The following SCFD2 variants were observed in gnomAD, a reference collection of about 807,000 sequenced individuals.
SCFD2 encodes the protein sec1 family domain containing 2.
In SCFD2, 54 loss-of-function variants were observed where a neutral mutation model predicts 58.9. The ratio of observed to expected loss-of-function variants is 0.92; its 90% CI spans 0.74 to 1.15. SCFD2 has a LOEUF of 1.15. Among genes scored for constraint, SCFD2 ranks in the 50% most tolerant of loss-of-function variants. The pLI is 0.00. For synonymous variants in SCFD2, 321 were observed against 335.9 expected (o/e 0.96, Z 0.49); for missense variants, 805 against 836.6 (o/e 0.96, Z 0.47).
intron 5 of SCFD2, among the ~76,000 whole-genome samples, chr4:53,018,436 T>C (rs1281668864): frequency 1.3e-5 from 2 of 152,178 alleles, no homozygotes; most frequent in East Asian, 1.9e-4. Flanking sequence ...AAAAATGCAA[T>C]GTTCCTGACA....
chr4:53,235,922 G>A (rs1187539104), intron 4 of SCFD2, among the ~76,000 whole-genome samples: 1 of 152,190 alleles, frequency 6.6e-6, no homozygotes, highest in Non-Finnish European at 1.5e-5. Flanking sequence ...AAAGCCTGGG[G>A]CAATCTATGG....
intron 5 of SCFD2, among the ~76,000 whole-genome samples, chr4:52,930,430 C>T (rs952379238): frequency 4.6e-5 from 7 of 152,064 alleles, no homozygotes; most frequent in African/African-American, 1.7e-4. Context: ...TAGGCAATAC[C>T]ATTCAGGACA....
chr4:53,218,780 C>T (rs948550537), intron 4 of SCFD2, among the ~76,000 whole-genome samples: 10 of 152,136 alleles, frequency 6.6e-5, no homozygotes, highest in Admixed American at 6.5e-4. Context: ...GTTTTATCTA[C>T]CTTTGCTCTT....
chr4:53,313,686 T>TA lies in SCFD2; in HGVS notation c.1084_1085insT (p.His362LeufsTer71). The TA allele has an allele frequency of 6.2e-7, 1 of 1,614,094 alleles. No individual in the cohort carries two copies. The highest frequency in any genetic ancestry group is 1.3e-5 in the African/African-American group (1 of 75,048). On this transcript the variant is annotated frameshift_variant, in exon 3 of 9. Transcript: ENST00000401642. LOFTEE classifies it high-confidence loss of function. The stretch of plus-strand genomic sequence containing the variant: ...TTCTCTGCTTGCCGCTTCCACTAGA[T>TA]GTCTCCGAACTTCCATCACTGCCTC...
At chr4:53,201,782 T>C (rs1241367995) in intron 4 of SCFD2, among the ~76,000 whole-genome samples, 4 of 152,356 alleles carry the variant, frequency 2.6e-5, no homozygotes, top group East Asian at 3.9e-4. Flanking sequence ...CCAGTGATGA[T>C]GAGCATTTTT....
intron 7 of SCFD2, among the ~76,000 whole-genome samples, chr4:52,897,946 G>A (rs914567819): frequency 6.6e-6 from 1 of 152,176 alleles, no homozygotes; most frequent in Non-Finnish European, 1.5e-5. Flanking sequence ...TTTGCGCAGA[G>A]GTGTTTATAG....
chr4:53,362,855 G>A (rs1050024285), intron 1 of SCFD2, among the ~76,000 whole-genome samples: 5 of 152,136 alleles, frequency 3.3e-5, no homozygotes, highest in Non-Finnish European at 5.9e-5. Flanking sequence ...AGTCTACATA[G>A]GTGAAAAAGT....
At chr4:53,254,865 T>C (rs867108434) in intron 4 of SCFD2, among the ~76,000 whole-genome samples, 1 of 137,288 alleles carries the variant, frequency 7.3e-6, no homozygotes, top group East Asian at 2.1e-4. Flanking sequence ...ATTTTATTTA[T>C]TTTATTTTAT....
intron 2 of SCFD2, among the ~76,000 whole-genome samples, chr4:53,349,178 T>C (rs1349031456): frequency 6.6e-6 from 1 of 152,224 alleles, no homozygotes; most frequent in Non-Finnish European, 1.5e-5. Flanking sequence ...AGGAACGATT[T>C]TTATTTTAAA....
intron 5 of SCFD2, among the ~76,000 whole-genome samples, chr4:53,120,651 A>G (rs17702952): frequency 0.016 from 2,415 of 152,312 alleles, 18 homozygotes; most frequent in Middle Eastern, 0.071. Context: ...AATAGACAGT[A>G]TCAGGTTAGA....
At chr4:53,095,410 G>A (rs1308805946) in intron 5 of SCFD2, among the ~76,000 whole-genome samples, 3 of 44,786 alleles carry the variant, frequency 6.7e-5, no homozygotes, top group Non-Finnish European at 2.9e-4. Flanking sequence ...GGCATAATCT[G>A]CTATATATAT....
intron 6 of SCFD2, among the ~76,000 whole-genome samples, chr4:52,916,200 A>G (rs925575709): frequency 2.2e-4 from 33 of 152,360 alleles, no homozygotes; most frequent in African/African-American, 7.7e-4. Context: ...GCATCACATC[A>G]GACACTGTGG....
intron 4 of SCFD2, among the ~76,000 whole-genome samples, chr4:53,259,733 T>A (rs1730771431): frequency 6.6e-6 from 1 of 152,098 alleles, no homozygotes; most frequent in Non-Finnish European, 1.5e-5. Flanking sequence ...ATTTTAGAAT[T>A]GTTTTTCTAG....
intron 4 of SCFD2, among the ~76,000 whole-genome samples, chr4:53,237,375 G>A (rs1300344581): frequency 6.6e-6 from 1 of 151,276 alleles, no homozygotes; most frequent in Non-Finnish European, 1.5e-5. Context: ...AGACGGGGTG[G>A]TGGCCGGGCA....
At chr4:53,324,595 C>A (rs1171609940) in intron 2 of SCFD2, among the ~76,000 whole-genome samples, 1 of 152,150 alleles carries the variant, frequency 6.6e-6, no homozygotes, top group East Asian at 1.9e-4. Flanking sequence ...GGGAAAAACA[C>A]AGGCTCATGC....
intron 7 of SCFD2, among the ~76,000 whole-genome samples, chr4:52,898,721 T>G (rs1040668050): frequency 1.3e-5 from 2 of 152,178 alleles, no homozygotes; most frequent in Non-Finnish European, 2.9e-5. Context: ...GAATTTTCTG[T>G]CTTGTTGATC....
intron 5 of SCFD2, among the ~76,000 whole-genome samples, chr4:52,978,301 G>A (rs1370130578): frequency 6.6e-6 from 1 of 152,164 alleles, no homozygotes; most frequent in Non-Finnish European, 1.5e-5. Context: ...ACAGAATTCT[G>A]CAGGATGCTG....
chr4:52,907,708 ATGTGTGTGTGTGTGTGTGTG>A, intron 6 of SCFD2, 117 bp from the exon 7 acceptor site: 1 of 683,980 alleles, frequency 1.5e-6, no homozygotes. Context: ...CAATGCCTAT[ATGTGTGTGTGTGTGTGTGTG>A]TGTGTGTGTG....
intron 3 of SCFD2, among the ~76,000 whole-genome samples, chr4:53,283,884 G>C (rs531351660): frequency 3.9e-5 from 6 of 151,968 alleles, no homozygotes; most frequent in Admixed American, 3.9e-4. Context: ...TTGGGAGGCC[G>C]AGGTGGGCGG....
Sources: gnomAD v4.1 joint callset for allele counts (sites outside exome capture counted in the v4.1 genomes callset) on GRCh38, gnomAD v4.1.1 for gene constraint, MANE v1.5 for transcripts, NCBI Gene and HGNC (gene_info 2026-07-23, HGNC 2026-07-21) for gene names.